ZNF532: variants seen among roughly 807,000 people sequenced by gnomAD.
ZNF532 encodes zinc finger protein 532.
ZNF532 carries 22 observed loss-of-function variants against 89.3 expected under a neutral mutation model. The ratio of observed to expected loss-of-function variants is 0.25; its 90% CI spans 0.18 to 0.35. ZNF532 has a LOEUF of 0.35. Ranked by LOEUF, ZNF532 falls within the 10% of genes least tolerant of loss-of-function variation. The pLI, the probability that ZNF532 is intolerant of heterozygous loss-of-function variation, is 1.00. For missense variants in ZNF532, 1,132 were observed against 1,643.4 expected, an observed-to-expected ratio of 0.69 and a Z score of 5.38; for synonymous variants, 606 against 649.6, an observed-to-expected ratio of 0.93 and a Z score of 1.02.
In ZNF532 at chr18:58,976,575, T is replaced by TG. The variant is rs771044700; in HGVS notation, c.3151-2479dup. Among the ~76,000 whole-genome samples, 82 of 152,180 alleles carry TG rather than the reference T, an allele frequency of 5.4e-4. No individual in the cohort carries two copies. The Middle Eastern group carries it at 0.01, about 19-fold the overall frequency. On this transcript the variant is annotated intron_variant, in intron 7 of 9. Transcript: ENST00000591808. ...TTTTTTTTCTTTTGAGATGGAGCCT[T>TG]GCTCTGTCTCACAGGCTGGAGTGCA... is the stretch of plus-strand genomic sequence containing the variant.
At chr18:58,901,030 TCCTTG>T (rs1568275953) in intron 2 of ZNF532, among the ~76,000 whole-genome samples, 1 of 152,228 alleles carries the variant, frequency 6.6e-6, no homozygotes, top group South Asian at 2.1e-4. Flanking sequence ...TCATGGGCAG[TCCTTG>T]CCATGTATAA....
intron 2 of ZNF532, among the ~76,000 whole-genome samples, chr18:58,881,025 G>A (rs1653784926): frequency 6.6e-6 from 1 of 151,978 alleles, no homozygotes; most frequent in Non-Finnish European, 1.5e-5. Context: ...TAACATATTT[G>A]GTTACACAGT....
chr18:58,982,050 G>A (rs1159227607), intron 9 of ZNF532, among the ~76,000 whole-genome samples: 2 of 144,524 alleles, frequency 1.4e-5, no homozygotes, highest in African/African-American at 5.1e-5. Context: ...ATAAAATAAT[G>A]ATTAATCTCC....
At chr18:58,907,030 C>T (rs78126929) in intron 2 of ZNF532, among the ~76,000 whole-genome samples, 4 of 152,172 alleles carry the variant, frequency 2.6e-5, no homozygotes, top group Non-Finnish European at 5.9e-5. Context: ...AACTCACTTG[C>T]GAGGTTCCTG....
At chr18:58,883,182 C>T (rs1412451851) in intron 2 of ZNF532, among the ~76,000 whole-genome samples, 1 of 152,120 alleles carries the variant, frequency 6.6e-6, no homozygotes, top group Non-Finnish European at 1.5e-5. Context: ...AATTCTCTTT[C>T]TCTGTGTTTT....
chr18:58,865,751 C>T (rs933891454), intron 2 of ZNF532, among the ~76,000 whole-genome samples, 172 bp downstream of exon 2: 5 of 152,228 alleles, frequency 3.3e-5, no homozygotes, highest in Non-Finnish European at 7.3e-5. Context: ...GATGGTATTG[C>T]GATCAAGGCG....
At position 58,948,142 on chromosome 18, in the gene ZNF532, C is replaced by T; in HGVS notation, c.2781C>T (p.His927=). The change falls in exon 6 of 10, where the codon CAC becomes CAT. Residue 927 remains histidine (H), a synonymous_variant. Coordinates refer to ENST00000591808, the MANE Select transcript of ZNF532 (RefSeq NM_001375912.1). ...TGCTGTATCGCCACTTTGACCAACA[C>T]ATTGAAAACCAGAAGGTGTCTGTTT... ...QTLLYRHFDQ[H]IENQKVSVFK... 2 of 1,614,010 alleles carry T rather than the reference C, an allele frequency of 1.2e-6. No individual in the cohort carries two copies. The highest frequency in any genetic ancestry group is 1.7e-6 in the Non-Finnish European group (2 of 1,179,906).
chr18:58,875,565 C>A (rs1388256250), intron 2 of ZNF532, among the ~76,000 whole-genome samples: 1 of 152,202 alleles, frequency 6.6e-6, no homozygotes, highest in African/African-American at 2.4e-5. Context: ...CTGTCTCCAT[C>A]ACAGGTCTAC....
chr18:58,893,594 C>T (rs2059050816), intron 2 of ZNF532, among the ~76,000 whole-genome samples: 1 of 150,708 alleles, frequency 6.6e-6, no homozygotes, highest in African/African-American at 2.4e-5. Context: ...GAGGTTGAGA[C>T]CACAGTGACT....
rs571223550 is a variant in ZNF532, at chr18:58,883,490, C to T, written c.-18+17911C>T. ...AATGGGAGAGGGCCAGGGTCAGGGT[C>T]GGCTGGAACAGAGAATTGCTACTGT... On this transcript the variant is annotated intron_variant, in intron 2 of 9. Transcript: ENST00000591808. 3.3e-5 allele frequency among the ~76,000 whole-genome samples: 5 copies of T among 152,028 alleles called. No homozygotes were observed. In the East Asian group the frequency reaches 7.7e-4, roughly 23 times the overall value.
Position 58,964,973 on chromosome 18 carries a change from C to A in ZNF532, c.3150+11174C>A, listed in dbSNP as rs1428418682. Among the ~76,000 whole-genome samples, 4 of 148,760 alleles carry A rather than the reference C, an allele frequency of 2.7e-5. No homozygotes were observed. The East Asian group carries it at 7.8e-4, about 29-fold the overall frequency. On this transcript the variant is annotated intron_variant, in intron 7 of 9. Transcript: ENST00000591808. Reference sequence around the variant, plus strand: ...TCTTATATATTTATATACTATAGATCATATATAATACATATTTCTTATACT... The same window carrying A: ...TCTTATATATTTATATACTATAGATAATATATAATACATATTTCTTATACT...
chr18:58,942,265 G>A (rs1033657402), intron 5 of ZNF532, among the ~76,000 whole-genome samples: 31 of 147,316 alleles, frequency 2.1e-4, no homozygotes, highest in East Asian at 1.5e-3. Context: ...CTCGTGATCC[G>A]CCCACCTTGG....
In ZNF532 at chr18:58,927,090, G is replaced by GT. The variant is rs2061586370; in HGVS notation, c.2346+6462dup. On this transcript the variant is annotated intron_variant, in intron 3 of 9. Coordinates refer to ENST00000591808, the MANE Select transcript of ZNF532 (RefSeq NM_001375912.1). Reference sequence around the variant, plus strand: ...AAGAGAGTGTGTATAATTGGTGTTAGTTTTTCTTTGGTAGAATTCTCCAAT... The same window carrying GT: ...AAGAGAGTGTGTATAATTGGTGTTAGTTTTTTCTTTGGTAGAATTCTCCAAT... 2.0e-5 allele frequency among the ~76,000 whole-genome samples: 3 copies of GT among 152,232 alleles called. No homozygotes were observed. The South Asian group carries it at 6.2e-4, about 32-fold the overall frequency.
At chr18:58,967,166 A>G (rs2066001366) in intron 7 of ZNF532, among the ~76,000 whole-genome samples, 1 of 152,218 alleles carries the variant, frequency 6.6e-6, no homozygotes, top group African/African-American at 2.4e-5. Context: ...GCCTAGAGGT[A>G]GAATAGCTGG....
intron 2 of ZNF532, among the ~76,000 whole-genome samples, chr18:58,888,890 TTTATATA>T (rs2058674007): frequency 2.9e-5 from 1 of 34,418 alleles, no homozygotes. Flanking sequence ...ATATATATAT[TTTATATA>T]TATATATATA....
intron 2 of ZNF532, among the ~76,000 whole-genome samples, chr18:58,905,537 C>G (rs1347322938): frequency 6.6e-6 from 1 of 151,904 alleles, no homozygotes; most frequent in Admixed American, 6.6e-5. Flanking sequence ...GTAGCTGGGA[C>G]TATAGGTGTG....
At position 58,920,479 on chromosome 18, in the gene ZNF532, C is replaced by G. The variant is rs956631460; in HGVS notation, c.2192C>G (p.Pro731Arg). ...ATAACTGGGACAGTCATATCGGCTC[C>G]TTCAAGCACTCCCATCACCCCAGCC... ...SGITGTVISA[P>R]SSTPITPAMP... is the part of the protein sequence containing the mutation. Residue 731 changes from proline (P) to arginine (R), a missense_variant, in exon 3 of 10, where the codon CCT becomes CGT. Around this residue, in one of 9 missense-constraint regions of ZNF532, gnomAD observed 100 missense variants for 122.0 expected, o/e 0.82. Coordinates refer to ENST00000591808, the MANE Select transcript of ZNF532 (RefSeq NM_001375912.1). The G allele has an allele frequency of 6.2e-7, 1 of 1,613,838 alleles. No individual in the cohort carries two copies. Among genetic ancestry groups the G allele is most frequent in the African/African-American group, 1.3e-5 (1 of 74,918 alleles).
chr18:58,924,847 A>G (rs192626891), intron 3 of ZNF532, among the ~76,000 whole-genome samples: 125 of 152,180 alleles, frequency 8.2e-4, no homozygotes, highest in African/African-American at 2.7e-3. Flanking sequence ...TAATTTTTTC[A>G]TTTCAGGAAT....
intron 2 of ZNF532, chr18:58,916,631 A>C: frequency 1.2e-6 from 1 of 845,168 alleles, no homozygotes; most frequent in Non-Finnish European, 1.4e-6. Flanking sequence ...AAGCGGATTT[A>C]TTCTTCAGCT....
Sources: gnomAD v4.1 joint callset for allele counts (sites outside exome capture counted in the v4.1 genomes callset) on GRCh38, gnomAD v4.1.1 for gene constraint, gnomAD v4.1.1 regional missense constraint, MANE v1.5 for transcripts, NCBI Gene and HGNC (gene_info 2026-07-23, HGNC 2026-07-21) for gene names.